The following CYFIP1 variants were observed in gnomAD, a reference collection of about 807,000 sequenced individuals.
CYFIP1 encodes the protein cytoplasmic FMR1-interacting protein 1.
CYFIP1 carries 58 observed loss-of-function variants against 163.5 expected under a neutral mutation model. That is an observed-to-expected ratio of 0.35 (90% CI 0.29 to 0.44). The LOEUF (loss-of-function observed/expected upper bound fraction) is 0.44. Among genes scored for constraint, CYFIP1 ranks in the 20% least tolerant of loss-of-function variants. The pLI, the probability that CYFIP1 is intolerant of heterozygous loss-of-function variation, is 1.00. For missense variants in CYFIP1, 1,338 were observed against 1,653.8 expected (o/e 0.81, Z 3.31); for synonymous variants, 663 against 660.7 (o/e 1.00, Z -0.05).
intron 1 of CYFIP1, among the ~76,000 whole-genome samples, chr15:22,979,616 A>G (rs1439856662): frequency 6.6e-6 from 1 of 152,104 alleles, no homozygotes; most frequent in African/African-American, 2.4e-5. Context: ...TTATTCTTGC[A>G]CCCTTCTTGT....
chr15:22,913,585 C>T (rs1318976475), intron 17 of CYFIP1, among the ~76,000 whole-genome samples: 2 of 101,582 alleles, frequency 2.0e-5, no homozygotes, highest in South Asian at 3.1e-4. Context: ...ATTACACCAA[C>T]GGAAGTACAT....
chr15:22,939,299 C>T lies in CYFIP1; in HGVS notation c.688G>A (p.Val230Met). The change falls in exon 8 of 31, where the codon GTG (valine) becomes ATG (methionine). Residue 230 changes from valine to methionine, a missense_variant. This residue lies in a region of CYFIP1 where 824 missense variants were observed against 995.7 expected (regional missense o/e 0.83). Coordinates refer to ENST00000617928, the MANE Select transcript of CYFIP1 (RefSeq NM_014608.6). ...AGGAGCTCTTCGTAGCCAGAAATCA[C>T]TTCGAGCTGCTGCTGCAGAGACTGA... ...ITQSLQQQLEVISGYEELLAD... is the reference protein window; with the variant it reads ...ITQSLQQQLEMISGYEELLAD... The T allele has an allele frequency of 6.2e-7, 1 of 1,614,166 alleles. No homozygotes were observed. The highest frequency in any genetic ancestry group is 8.5e-7 in the Non-Finnish European group (1 of 1,180,022).
chr15:22,911,536 T>A (rs1203661238), intron 18 of CYFIP1, among the ~76,000 whole-genome samples: 2 of 152,142 alleles, frequency 1.3e-5, no homozygotes, highest in African/African-American at 4.8e-5. Flanking sequence ...GACCCTTACT[T>A]GCAGATGGGA....
At chr15:22,923,041 AT>A (rs2061240951) in intron 13 of CYFIP1, among the ~76,000 whole-genome samples, 1 of 152,144 alleles carries the variant, frequency 6.6e-6, no homozygotes, top group East Asian at 1.9e-4. Context: ...GGAGTAAATC[AT>A]CATGACCTGG....
chr15:22,973,115 G>A (rs972974126), intron 1 of CYFIP1, among the ~76,000 whole-genome samples: 9 of 151,970 alleles, frequency 5.9e-5, no homozygotes, highest in African/African-American at 1.9e-4. Context: ...CAACCTGGGC[G>A]ACAGAGTGAG....
At chr15:22,949,459 G>A (rs1380224334) in intron 1 of CYFIP1, among the ~76,000 whole-genome samples, 1 of 152,286 alleles carries the variant, frequency 6.6e-6, no homozygotes, top group East Asian at 1.9e-4. Flanking sequence ...CAGGAAGGGA[G>A]GTGGAAGGAG....
rs1479996791 is a variant in CYFIP1 at position 22,868,665 on chromosome 15, G to C, written c.*1363C>G. On this transcript the variant is annotated 3_prime_UTR_variant, in exon 31 of 31. Coordinates refer to ENST00000617928, the MANE Select transcript of CYFIP1 (RefSeq NM_014608.6). ...CTTGAGTGAGTTTGGCAGTGTAACAGGATGGTTCGTACACTTACTACTTTT... is the reference window on the plus strand; with the variant it reads ...CTTGAGTGAGTTTGGCAGTGTAACACGATGGTTCGTACACTTACTACTTTT... The C allele has an allele frequency of 2.8e-5, 4 of 142,076 alleles. No homozygotes were observed. The highest frequency in any genetic ancestry group is 5.9e-5 in the Non-Finnish European group (4 of 67,562). The allele number at this position is 142,076 out of a possible 1,614,324, so 8.8% of individuals were successfully genotyped here.
intron 26 of CYFIP1, among the ~76,000 whole-genome samples, chr15:22,876,902 C>A (rs1040823640): frequency 6.6e-6 from 1 of 151,954 alleles, no homozygotes; most frequent in Admixed American, 6.6e-5. Flanking sequence ...GGCAGCTGGA[C>A]AGAAGAGAAA....
Position 22,939,391 on chromosome 15 carries a change from T to C in CYFIP1, c.666+20A>G, listed in dbSNP as rs1409703318. 2.5e-6 allele frequency: 4 copies of C among 1,613,718 alleles called. No individual in the cohort carries two copies. In the African/African-American group the frequency reaches 5.3e-5, roughly 22 times the overall value. Reference sequence around the variant, plus strand: ...CGGCTGCTTGGCCCATCAACCTGAGTGTGCAAACACCAGCCTTACCTGTGT... The same window carrying C: ...CGGCTGCTTGGCCCATCAACCTGAGCGTGCAAACACCAGCCTTACCTGTGT... On this transcript the variant is annotated intron_variant, in intron 7 of 30. Coordinates refer to ENST00000617928, the MANE Select transcript of CYFIP1 (RefSeq NM_014608.6).
rs563528925 is a variant in CYFIP1 at position 22,921,662 on chromosome 15, C to T, written c.1360-2804G>A. Among the ~76,000 whole-genome samples, 123 of 143,888 alleles carry T rather than the reference C, an allele frequency of 8.5e-4. 4 individuals carry two copies. The highest frequency in any genetic ancestry group is 2.7e-3 in the Admixed American group (37 of 13,630). 94.4% of individuals were successfully genotyped at this position (143,888 alleles called of 152,430 possible). On this transcript the variant is annotated intron_variant, in intron 13 of 30. Coordinates refer to ENST00000617928, the MANE Select transcript of CYFIP1 (RefSeq NM_014608.6). ...TGAAACCCTGTATCTACTAAAAATA[C>T]AAAAATTGGCCAGAAGTAGCTTGAA...
chr15:22,951,392 T>G (rs1484542328), intron 1 of CYFIP1: 1 of 1,285,772 alleles, frequency 7.8e-7, no homozygotes, highest in Non-Finnish European at 1.0e-6. Context: ...GCCGGGTGGG[T>G]GCAGGGTCCA....
At chr15:22,882,284 T>C in intron 24 of CYFIP1, among the ~76,000 whole-genome samples, 1 of 152,322 alleles carries the variant, frequency 6.6e-6, no homozygotes, top group Non-Finnish European at 1.5e-5. Flanking sequence ...ACGCTGTCTG[T>C]GCTCCTGGGT....
At chr15:22,975,690 C>T (rs946214277) in intron 1 of CYFIP1, among the ~76,000 whole-genome samples, 2 of 152,116 alleles carry the variant, frequency 1.3e-5, no homozygotes, top group African/African-American at 4.8e-5. Flanking sequence ...ACCCAGGAGG[C>T]AGAGGTTGCA....
chr15:22,902,031 A>G (rs2060409699), intron 22 of CYFIP1, among the ~76,000 whole-genome samples: 1 of 152,208 alleles, frequency 6.6e-6, no homozygotes, highest in Admixed American at 6.5e-5. Context: ...CAGGAGGCTG[A>G]GGTCACTGCA....
At chr15:22,964,958 T>C (rs1469906487) in intron 1 of CYFIP1, among the ~76,000 whole-genome samples, 1 of 152,166 alleles carries the variant, frequency 6.6e-6, no homozygotes, top group Non-Finnish European at 1.5e-5. Context: ...CTTATTTTAC[T>C]AAGCGTAATG....
In CYFIP1 at chr15:22,939,591, G is replaced by A. The variant is rs538257259; in HGVS notation, c.570-84C>T. 7.2e-5 allele frequency: 68 copies of A among 941,474 alleles called. No individual in the cohort carries two copies. In the Admixed American group the frequency reaches 7.3e-4, roughly 10 times the overall value. 58.3% of individuals were successfully genotyped at this position (941,474 alleles called of 1,614,324 possible). ...AAAAAAAAAAAAAAAAGCCTGGTTC[G>A]AGTGGGATCCCTTTCCCCTACAGTC... is the stretch of plus-strand genomic sequence containing the variant. On this transcript the variant is annotated intron_variant, in intron 6 of 30. Coordinates refer to ENST00000617928, the MANE Select transcript of CYFIP1 (RefSeq NM_014608.6).
chr15:22,932,862 C>G (rs2061582803), intron 10 of CYFIP1, among the ~76,000 whole-genome samples: 1 of 152,152 alleles, frequency 6.6e-6, no homozygotes. Flanking sequence ...TAGGGTCTTG[C>G]TCTCTTGCCC....
intron 23 of CYFIP1, among the ~76,000 whole-genome samples, chr15:22,888,093 A>G (rs1030357143): frequency 2.0e-5 from 3 of 152,246 alleles, no homozygotes; most frequent in African/African-American, 7.2e-5. Context: ...AAGTGGTGAC[A>G]TGACCAAGAA....
chr15:22,943,042 ACT>A (rs1399632515), intron 6 of CYFIP1, 129 bp downstream of exon 6: 5 of 797,568 alleles, frequency 6.3e-6, no homozygotes, highest in East Asian at 2.7e-5. Flanking sequence ...CAGCCCTGAC[ACT>A]GAGACGTAGC....
Sources: gnomAD v4.1 joint callset for allele counts (sites outside exome capture counted in the v4.1 genomes callset) on GRCh38, gnomAD v4.1.1 for gene constraint, gnomAD v4.1.1 regional missense constraint, MANE v1.5 for transcripts, NCBI Gene and HGNC (gene_info 2026-07-23, HGNC 2026-07-21) for gene names.